Variants in CPVL observed in about 807,000 individuals in gnomAD.
CPVL encodes carboxypeptidase vitellogenic like.
A neutral mutation model predicts 63.7 loss-of-function variants in CPVL; 51 were observed. That is an observed-to-expected ratio of 0.80 (90% CI 0.64 to 1.01). The LOEUF (loss-of-function observed/expected upper bound fraction) is 1.01, where lower values mean the gene tolerates loss of function less well. CPVL is among the 50% of genes least tolerant of loss of function. The pLI is 0.00. For synonymous variants in CPVL, 195 were observed against 206.0 expected, an observed-to-expected ratio of 0.95 and a Z score of 0.46; for missense variants, 530 against 573.1, an observed-to-expected ratio of 0.92 and a Z score of 0.77.
At chr7:29,194,865 C>T in intron 1 of CPVL, 1 of 1,300,504 alleles carries the variant, frequency 7.7e-7, no homozygotes, top group Non-Finnish European at 9.9e-7. Context: ...GCGGAGGCTG[C>T]GAGCGGCCGG....
chr7:29,085,311 G>A (rs867993105), intron 7 of CPVL, among the ~76,000 whole-genome samples: 7 of 152,244 alleles, frequency 4.6e-5, no homozygotes, highest in Non-Finnish European at 5.9e-5. Flanking sequence ...CGGTCAAAAG[G>A]GCACAGGAGC....
intron 1 of CPVL, chr7:29,195,061 G>A (rs1308646454): frequency 1.3e-6 from 2 of 1,491,960 alleles, no homozygotes; most frequent in African/African-American, 1.4e-5. Flanking sequence ...CGCAGCCTGG[G>A]ATGGACAGAG....
intron 11 of CPVL, among the ~76,000 whole-genome samples, chr7:29,055,109 TG>T (rs1268048749): frequency 1.3e-5 from 2 of 152,230 alleles, no homozygotes; most frequent in East Asian, 3.8e-4. Context: ...CTCTTATATT[TG>T]TTTCTGTTTA....
At chr7:29,069,167 T>C (rs867114657) in intron 9 of CPVL, among the ~76,000 whole-genome samples, 94 of 151,320 alleles carry the variant, frequency 6.2e-4, no homozygotes, top group South Asian at 1.1e-3. Context: ...TGGCCAGGCA[T>C]GGTGGCTCAC....
At chr7:29,043,826 GC>G (rs1483987854) in intron 11 of CPVL, among the ~76,000 whole-genome samples, 10 of 152,136 alleles carry the variant, frequency 6.6e-5, no homozygotes, top group African/African-American at 2.4e-4. Context: ...TATGACTGGG[GC>G]TTCTGTCGGC....
intron 1 of CPVL, among the ~76,000 whole-genome samples, chr7:29,121,740 C>A (rs1246192274): frequency 6.6e-6 from 1 of 152,138 alleles, no homozygotes; most frequent in Non-Finnish European, 1.5e-5. Flanking sequence ...CCTCAGGCAT[C>A]CATGCACACC....
chr7:29,166,458 TTTG>T (rs1795932569), intron 5 of CPVL, among the ~76,000 whole-genome samples: 1 of 151,524 alleles, frequency 6.6e-6, no homozygotes. Flanking sequence ...TTTCTGGGTT[TTTG>T]TTTGTTTGTT....
Position 29,165,927 on chromosome 7 carries a change from A to G in CPVL, c.-11+15363T>C, listed in dbSNP as rs1795847169. 2.6e-5 allele frequency among the ~76,000 whole-genome samples: 4 copies of G among 152,204 alleles called. No individual in the cohort carries two copies. In the South Asian group the frequency reaches 6.2e-4, roughly 24 times the overall value. Reference sequence around the variant, plus strand: ...AAATTTATAAACAGTGTTTGTCACTATGTTCACAGGGGACATGATTTGTAG... The same window carrying G: ...AAATTTATAAACAGTGTTTGTCACTGTGTTCACAGGGGACATGATTTGTAG... On this transcript the variant is annotated intron_variant, in intron 5 of 16. Transcript: ENST00000409850.
At chr7:29,133,203 AAAAAC>A in intron 1 of CPVL, among the ~76,000 whole-genome samples, 1 of 152,212 alleles carries the variant, frequency 6.6e-6, no homozygotes, top group Admixed American at 6.5e-5. Flanking sequence ...CAAAAAAAAA[AAAAAC>A]AAAAAACGCT....
intron 1 of CPVL, among the ~76,000 whole-genome samples, chr7:29,125,982 G>T (rs990241478): frequency 6.6e-6 from 1 of 152,180 alleles, no homozygotes; most frequent in African/African-American, 2.4e-5. Context: ...CAGCGCAAGA[G>T]AGCTGATGGT....
intron 12 of CPVL, among the ~76,000 whole-genome samples, chr7:29,005,183 G>A (rs375531163): frequency 6.6e-6 from 1 of 151,934 alleles, no homozygotes. Flanking sequence ...TACCCATCGC[G>A]CCTGGCCCAT....
chr7:29,132,548 T>A (rs1790804314), intron 1 of CPVL, among the ~76,000 whole-genome samples: 1 of 152,132 alleles, frequency 6.6e-6, no homozygotes, highest in Admixed American at 6.5e-5. Flanking sequence ...GGTGCTTTTC[T>A]CTCTAAACCC....
chr7:29,164,798 A>C (rs1029012538), intron 5 of CPVL, among the ~76,000 whole-genome samples: 3 of 151,662 alleles, frequency 2.0e-5, no homozygotes, highest in Admixed American at 1.3e-4. Context: ...AAAAAAAAAA[A>C]AAACAAAGAT....
At chr7:29,161,898 G>T (rs1795224646) in intron 5 of CPVL, among the ~76,000 whole-genome samples, 2 of 152,314 alleles carry the variant, frequency 1.3e-5, no homozygotes, top group South Asian at 4.1e-4. Flanking sequence ...AAGATAGACA[G>T]TTGGCAAATA....
At chr7:29,149,716 CG>C (rs1379221354), upstream of CPVL, among the ~76,000 whole-genome samples, 1 of 152,026 alleles carries the variant, frequency 6.6e-6, no homozygotes, top group Non-Finnish European at 1.5e-5. Context: ...GATCCTTCCT[CG>C]CTGCTTCTAG....
chr7:29,068,698 G>C (rs139085911), intron 9 of CPVL, among the ~76,000 whole-genome samples: 2 of 137,154 alleles, frequency 1.5e-5, no homozygotes, highest in Admixed American at 7.3e-5. Context: ...TTTTTTCTTT[G>C]TTTTTTTTTT....
At chr7:29,147,218 A>G (rs1792860679), upstream of CPVL, 2 of 492,028 alleles carry the variant, frequency 4.1e-6, no homozygotes, top group Non-Finnish European at 7.2e-6. Context: ...AGGAGGTTGC[A>G]ATGGCAAGTA....
intron 3 of CPVL, among the ~76,000 whole-genome samples, chr7:29,102,125 T>G (rs926584938): frequency 3.9e-5 from 6 of 152,294 alleles, no homozygotes; most frequent in East Asian, 1.9e-4. Flanking sequence ...ATGCCAAGGT[T>G]TGAATTCCAG....
At chr7:29,133,085 G>C (rs1409903495) in intron 1 of CPVL, among the ~76,000 whole-genome samples, 2 of 151,294 alleles carry the variant, frequency 1.3e-5, no homozygotes. Flanking sequence ...AATCCACTAC[G>C]TATAGTATCC....
Sources: gnomAD v4.1 joint callset for allele counts (sites outside exome capture counted in the v4.1 genomes callset) on GRCh38, gnomAD v4.1.1 for gene constraint, MANE v1.5 for transcripts, NCBI Gene and HGNC (gene_info 2026-07-23, HGNC 2026-07-21) for gene names.